Variants in EEF1AKMT1 observed in about 807,000 individuals in gnomAD.
The protein encoded by EEF1AKMT1 is N-6 adenine-specific DNA methyltransferase 2 (putative).
EEF1AKMT1 carries 18 observed loss-of-function variants against 21.0 expected under a neutral mutation model. The ratio of observed to expected loss-of-function variants is 0.86; its 90% confidence interval spans 0.59 to 1.27. The LOEUF (loss-of-function observed/expected upper bound fraction) is 1.27. Among genes scored for constraint, EEF1AKMT1 ranks in the 50% most tolerant of loss-of-function variants. EEF1AKMT1 has a pLI of 0.00. For synonymous variants in EEF1AKMT1, 109 were observed against 94.8 expected (o/e 1.15, Z -0.87); for missense variants, 246 against 258.6 (o/e 0.95, Z 0.33).
At chr13:20,734,624 C>T (rs1271602621) in intron 3 of EEF1AKMT1, among the ~76,000 whole-genome samples, 5 of 145,482 alleles carry the variant, frequency 3.4e-5, no homozygotes, top group South Asian at 2.1e-4. Flanking sequence ...GACGGAGTCT[C>T]GCGCTCACGC....
rs74036435 is a variant in EEF1AKMT1 at position 20,756,613 on chromosome 13, G to A, written c.144+842C>T. On this transcript the variant is annotated intron_variant, in intron 2 of 4. Coordinates refer to ENST00000382758, the MANE Select transcript of EEF1AKMT1 (RefSeq NM_001318939.2). ...GAGGCAGACAAATGCCTAGGCAGAT[G>A]GGGTGGGTCCCCAGTAAAACCCCGC... is the stretch of plus-strand genomic sequence containing the variant. Among the ~76,000 whole-genome samples, 840 of 152,298 alleles carry A rather than the reference G, an allele frequency of 5.5e-3. 7 individuals are homozygous for A. The highest frequency in any genetic ancestry group is 0.019 in the African/African-American group (788 of 41,578).
chr13:20,770,266 G>A (rs558721833), intron 1 of EEF1AKMT1, among the ~76,000 whole-genome samples: 81 of 151,618 alleles, frequency 5.3e-4, no homozygotes, highest in African/African-American at 2.0e-3. Context: ...CAAAATCAGA[G>A]AGGCAGAAAG....
In EEF1AKMT1 at chr13:20,729,288, G is replaced by A. The variant is rs1473527062; in HGVS notation, c.509-72C>T. The A allele has an allele frequency of 8.8e-6, 14 of 1,589,858 alleles. No individual in the cohort carries two copies. In the East Asian group the frequency reaches 9.0e-5, roughly 10 times the overall value. On this transcript the variant is annotated intron_variant, in intron 4 of 4. Coordinates refer to ENST00000382758, the MANE Select transcript of EEF1AKMT1 (RefSeq NM_001318939.2). Reference sequence around the variant, plus strand: ...GAGCTCAGTGCGTCCTGAGCTGTGAGAGGGGCTCTAGGCGGACCACCGGTG... The same window carrying A: ...GAGCTCAGTGCGTCCTGAGCTGTGAAAGGGGCTCTAGGCGGACCACCGGTG...
intron 2 of EEF1AKMT1, among the ~76,000 whole-genome samples, chr13:20,755,549 T>G (rs1486122101): frequency 6.6e-6 from 1 of 152,208 alleles, no homozygotes; most frequent in Non-Finnish European, 1.5e-5. Flanking sequence ...GGATCCTAAT[T>G]GATCCCTGTC....
At chr13:20,766,830 C>CA (rs1293647338) in intron 1 of EEF1AKMT1, among the ~76,000 whole-genome samples, 2 of 150,102 alleles carry the variant, frequency 1.3e-5, no homozygotes, top group Non-Finnish European at 3.0e-5. Flanking sequence ...TCAAAAAAAA[C>CA]AAAAAAAGAA....
At chr13:20,748,257 A>T (rs1465068335) in intron 2 of EEF1AKMT1, among the ~76,000 whole-genome samples, 3 of 152,150 alleles carry the variant, frequency 2.0e-5, no homozygotes, top group Admixed American at 2.0e-4. Context: ...AACATGGTGA[A>T]ACCCCGTCTC....
At position 20,768,435 on chromosome 13, in the gene EEF1AKMT1, T is replaced by C. The variant is rs537931007; in HGVS notation, c.-20+5486A>G. On this transcript the variant is annotated intron_variant, in intron 1 of 4. Transcript: ENST00000382758. The stretch of plus-strand genomic sequence containing the variant: ...CAGTCCAGCTGGTAGAAAGACACTA[T>C]TCTTGGTCTTGAATGAGTCAGGTAT... Among the ~76,000 whole-genome samples the C allele has an allele frequency of 2.0e-5, 3 of 152,336 alleles. No homozygotes were observed. In the East Asian group the frequency reaches 5.8e-4, roughly 29 times the overall value.
At chr13:20,772,815 A>G (rs2059069142) in intron 1 of EEF1AKMT1, among the ~76,000 whole-genome samples, 1 of 152,178 alleles carries the variant, frequency 6.6e-6, no homozygotes, top group Non-Finnish European at 1.5e-5. Flanking sequence ...TTTGGATAAA[A>G]TTACTCAATT....
In EEF1AKMT1 at chr13:20,728,891, A is replaced by C. The variant is rs1267084210; in HGVS notation, c.*189T>G. ...AATTCCATGGATTCAGGTTGGCAGA[A>C]GACTGAGCTCTAGGGACGCCCTCCC... On this transcript the variant is annotated 3_prime_UTR_variant, in exon 5 of 5. Transcript: ENST00000382758. 1.5e-6 allele frequency: 1 copy of C among 655,250 alleles called. No homozygotes were observed. Among genetic ancestry groups the C allele is most frequent in the Non-Finnish European group, 2.6e-6 (1 of 388,396 alleles). 40.6% of individuals were successfully genotyped at this position (655,250 alleles called of 1,614,324 possible). A position where few individuals can be genotyped will look rare whatever the true frequency, so the allele number is the denominator to read the frequency against.
At chr13:20,753,621 G>T (rs2058954947) in intron 2 of EEF1AKMT1, among the ~76,000 whole-genome samples, 1 of 152,018 alleles carries the variant, frequency 6.6e-6, no homozygotes, top group African/African-American at 2.4e-5. Flanking sequence ...ATATATGTTT[G>T]GAATCATTGT....
chr13:20,747,462 C>CTT (rs60730051), intron 2 of EEF1AKMT1: 9,647 of 87,460 alleles, frequency 0.11, 1,571 homozygotes, highest in Middle Eastern at 0.14. Context: ...TAGGCACATT[C>CTT]TTTTTTTTTT....
rs202246353 is a variant in EEF1AKMT1 at position 20,731,878 on chromosome 13, G to A, written c.471C>T (p.Val157=). Residue 157 remains valine (V), a synonymous_variant, in exon 4 of 5, where the codon GTC becomes GTT. Coordinates refer to ENST00000382758, the MANE Select transcript of EEF1AKMT1 (RefSeq NM_001318939.2). ...EECLRKTSET[V]KYLTRGKILL... ...GAATCTTGCCCCGCGTCAGGTACTT[G>A]ACGGTTTCCGATGTTTTTCTGAGAC... 6.2e-7 allele frequency: 1 copy of A among 1,614,166 alleles called. No individual in the cohort carries two copies. Among genetic ancestry groups the A allele is most frequent in the Non-Finnish European group, 8.5e-7 (1 of 1,180,018 alleles).
intron 2 of EEF1AKMT1, among the ~76,000 whole-genome samples, chr13:20,745,174 T>C (rs1420653090): frequency 6.6e-6 from 1 of 152,228 alleles, no homozygotes; most frequent in Non-Finnish European, 1.5e-5. Flanking sequence ...GGCTCTTTTT[T>C]CTTTCCATAT....
chr13:20,742,353 T>G (rs971154456), intron 2 of EEF1AKMT1, among the ~76,000 whole-genome samples: 7 of 149,822 alleles, frequency 4.7e-5, no homozygotes, highest in Non-Finnish European at 1.0e-4. Flanking sequence ...ATACAGTCTT[T>G]GAGAAAAAAA....
intron 1 of EEF1AKMT1, among the ~76,000 whole-genome samples, chr13:20,769,816 C>T (rs569522746): frequency 4.6e-5 from 7 of 151,750 alleles, no homozygotes; most frequent in African/African-American, 1.4e-4. Flanking sequence ...AAAGAGAAAC[C>T]ATCCCTGAGA....
chr13:20,763,913 G>T (rs569534026), intron 1 of EEF1AKMT1, among the ~76,000 whole-genome samples: 16 of 152,336 alleles, frequency 1.1e-4, no homozygotes, highest in African/African-American at 3.6e-4. Flanking sequence ...GGATAGAGAT[G>T]TTTATAGCAG....
intron 1 of EEF1AKMT1, among the ~76,000 whole-genome samples, chr13:20,759,890 G>A (rs2058991239): frequency 6.6e-6 from 1 of 152,086 alleles, no homozygotes; most frequent in Non-Finnish European, 1.5e-5. Context: ...GGATCACGAG[G>A]TCAGGAGATT....
At chr13:20,735,423 C>A (rs2058821523) in intron 3 of EEF1AKMT1, among the ~76,000 whole-genome samples, 1 of 152,058 alleles carries the variant, frequency 6.6e-6, no homozygotes, top group Non-Finnish European at 1.5e-5. Flanking sequence ...TGATGATGTA[C>A]CATGTGGAAA....
intron 2 of EEF1AKMT1, among the ~76,000 whole-genome samples, chr13:20,755,550 G>T (rs1346329794): frequency 6.6e-6 from 1 of 152,170 alleles, no homozygotes; most frequent in Admixed American, 6.5e-5. Flanking sequence ...GATCCTAATT[G>T]ATCCCTGTCA....
Sources: gnomAD v4.1 joint callset for allele counts (sites outside exome capture counted in the v4.1 genomes callset) on GRCh38, gnomAD v4.1.1 for gene constraint, MANE v1.5 for transcripts, NCBI Gene and HGNC (gene_info 2026-07-23, HGNC 2026-07-21) for gene names.